FAM184A: variants seen among roughly 807,000 people sequenced by gnomAD.
FAM184A encodes protein FAM184A.
In FAM184A, 99 loss-of-function variants were observed where a neutral mutation model predicts 143.8. The ratio of observed to expected loss-of-function variants is 0.69; its 90% confidence interval spans 0.58 to 0.81. The LOEUF (loss-of-function observed/expected upper bound fraction) is 0.81. Ranked by LOEUF, FAM184A falls within the 40% of genes least tolerant of loss-of-function variation. The pLI, the probability that FAM184A is intolerant of heterozygous loss-of-function variation, is 0.00. For synonymous variants in FAM184A, 427 were observed against 446.4 expected (o/e 0.96, Z 0.55); for missense variants, 1,217 against 1,310.5 (o/e 0.93, Z 1.10).
At chr6:119,014,353 G>A (rs1030894820) in intron 5 of FAM184A, among the ~76,000 whole-genome samples, 1 of 152,182 alleles carries the variant, frequency 6.6e-6, no homozygotes, top group African/African-American at 2.4e-5. Flanking sequence ...AGCTTTTGAG[G>A]CCCAAAGTAA....
At position 119,112,300 on chromosome 6, in the gene FAM184A, G is replaced by A. The variant is rs546646422; in HGVS notation, c.-202+36778C>T. 5.9e-5 allele frequency among the ~76,000 whole-genome samples: 9 copies of A among 152,048 alleles called. No individual in the cohort carries two copies. The East Asian group carries it at 1.6e-3, about 26-fold the overall frequency. On this transcript the variant is annotated intron_variant, in intron 1 of 16. Transcript: ENST00000352896. ...GCACGTTACATGCCCGGCTAATTTT[G>A]TATTTTTAGTAGAGACGGGGTTTCT...
Position 119,024,157 on chromosome 6 carries a change from A to G in FAM184A, c.816T>C (p.Phe272=), listed in dbSNP as rs1025197903. 8 of 1,614,054 alleles carry G rather than the reference A, an allele frequency of 5.0e-6. No homozygotes were observed. Among genetic ancestry groups the G allele is most frequent in the African/African-American group, 1.3e-5 (1 of 74,918 alleles). The part of the protein sequence containing the change: ...ELDTLKRSQL[F]TAESLQASKE... ...TGCTGGCCTGTAGGCTTTCTGCTGTAAAAAGCTGTGACCTTTTCAAAGTAT... is the reference window on the plus strand; with the variant it reads ...TGCTGGCCTGTAGGCTTTCTGCTGTGAAAAGCTGTGACCTTTTCAAAGTAT... The change falls in exon 2 of 18, where the codon TTT becomes TTC. Residue 272 remains phenylalanine (F), a synonymous_variant. Coordinates refer to ENST00000338891, the MANE Select transcript of FAM184A (RefSeq NM_024581.6).
chr6:119,134,256 A>T (rs1406301756), intron 1 of FAM184A, among the ~76,000 whole-genome samples: 3 of 152,172 alleles, frequency 2.0e-5, no homozygotes, highest in African/African-American at 7.2e-5. Context: ...GAATACAAAT[A>T]GTCTATAATC....
intron 1 of FAM184A, among the ~76,000 whole-genome samples, chr6:119,107,216 C>T (rs1017643788): frequency 6.6e-6 from 1 of 152,126 alleles, no homozygotes; most frequent in Non-Finnish European, 1.5e-5. Context: ...TATGTTCATA[C>T]ACCTTTCTTA....
At chr6:119,068,635 C>A (rs561087188) in intron 1 of FAM184A, among the ~76,000 whole-genome samples, 93 of 152,262 alleles carry the variant, frequency 6.1e-4, no homozygotes, top group African/African-American at 2.2e-3. Context: ...ATATGATGGG[C>A]ACTGCTGCCT....
chr6:119,086,525 G>A (rs1788227097), intron 1 of FAM184A, among the ~76,000 whole-genome samples: 1 of 152,172 alleles, frequency 6.6e-6, no homozygotes, highest in African/African-American at 2.4e-5. Flanking sequence ...CAAGCTCTAA[G>A]GACGGTAAGG....
At chr6:119,024,908 T>C (rs969424676) in intron 1 of FAM184A, 95 bp from the exon 2 acceptor site, 8 of 1,176,358 alleles carry the variant, frequency 6.8e-6, no homozygotes, top group African/African-American at 4.6e-5. Context: ...TATTTTTCTA[T>C]GCACATAATA....
intron 4 of FAM184A, 56 bp from the exon 5 acceptor site, chr6:119,017,000 AG>A: frequency 8.1e-7 from 1 of 1,240,944 alleles, no homozygotes; most frequent in South Asian, 1.4e-5. Flanking sequence ...TACTGTTATT[AG>A]GGTAATTTGA....
intron 14 of FAM184A, among the ~76,000 whole-genome samples, chr6:118,970,984 A>G (rs1293569839): frequency 6.6e-6 from 1 of 152,184 alleles, no homozygotes; most frequent in Admixed American, 6.5e-5. Flanking sequence ...AGAACCAAAA[A>G]TGGTATACTA....
At chr6:119,074,713 ACAT>A (rs1163417219) in intron 1 of FAM184A, among the ~76,000 whole-genome samples, 1 of 152,244 alleles carries the variant, frequency 6.6e-6, no homozygotes, top group Non-Finnish European at 1.5e-5. Flanking sequence ...GTCTTATAAA[ACAT>A]AATTGAATCC....
chr6:119,120,594 C>T (rs1374864686), intron 1 of FAM184A, among the ~76,000 whole-genome samples: 3 of 152,148 alleles, frequency 2.0e-5, no homozygotes, highest in Admixed American at 2.0e-4. Context: ...TCTAAAGTGG[C>T]TGTACTATTT....
rs577011079 is a variant in FAM184A at position 119,116,429 on chromosome 6, G to A, written c.-202+32649C>T. ...TGCCTATGACCTGAACGACAGGATCGTTGGGACCTCAAGCCTCAGTGTCAC... is the reference window on the plus strand; with the variant it reads ...TGCCTATGACCTGAACGACAGGATCATTGGGACCTCAAGCCTCAGTGTCAC... On this transcript the variant is annotated intron_variant, in intron 1 of 16. Transcript: ENST00000352896. Among the ~76,000 whole-genome samples, 24 of 151,982 alleles carry A rather than the reference G, an allele frequency of 1.6e-4. No individual in the cohort carries two copies. In the South Asian group the frequency reaches 3.7e-3, roughly 24 times the overall value.
intron 1 of FAM184A, among the ~76,000 whole-genome samples, chr6:119,033,580 G>A (rs894863561): frequency 5.9e-5 from 9 of 151,300 alleles, no homozygotes; most frequent in Admixed American, 5.9e-4. Flanking sequence ...CCGGAGAATC[G>A]CTTGTACCCA....
chr6:118,993,755 G>C (rs1044686304), intron 9 of FAM184A, among the ~76,000 whole-genome samples: 6 of 152,168 alleles, frequency 3.9e-5, no homozygotes, highest in Non-Finnish European at 5.9e-5. Context: ...ACACAGAAAG[G>C]CTTCTAAGAG....
At chr6:119,073,160 C>T (rs557922197) in intron 1 of FAM184A, among the ~76,000 whole-genome samples, 5 of 152,294 alleles carry the variant, frequency 3.3e-5, no homozygotes, top group African/African-American at 4.8e-5. Flanking sequence ...TCAATGCTAA[C>T]GCACAGCAAG....
intron 1 of FAM184A, among the ~76,000 whole-genome samples, chr6:119,074,439 A>G (rs1367781008): frequency 6.6e-6 from 1 of 152,206 alleles, no homozygotes; most frequent in Non-Finnish European, 1.5e-5. Flanking sequence ...GGGCATTTTA[A>G]TTTTAATAAT....
Position 119,033,990 on chromosome 6 carries a change from C to CAA in FAM184A, c.160-9179_160-9178dup, listed in dbSNP as rs59719185. Among the ~76,000 whole-genome samples, 74 of 17,390 alleles carry CAA rather than the reference C, an allele frequency of 4.3e-3. 11 individuals carry two copies. The highest frequency in any genetic ancestry group is 4.9e-3 in the Admixed American group (4 of 810). The allele number at this position is 17,390 out of a possible 152,430, so 11.4% of individuals were successfully genotyped here. On this transcript the variant is annotated intron_variant, in intron 1 of 17. Transcript: ENST00000338891. ...TGAGTGACAGAGTGAGACTCTGTCT[C>CAA]AAAAAAAAAAAAAAAAAAAAAAAAA... is the stretch of plus-strand genomic sequence containing the variant.
intron 4 of FAM184A, among the ~76,000 whole-genome samples, chr6:119,017,300 C>A (rs1451283078): frequency 2.6e-5 from 4 of 152,140 alleles, no homozygotes. Context: ...AGATCAAGAC[C>A]ATCCTGGCTA....
At chr6:119,092,148 T>C (rs1788387857) in intron 1 of FAM184A, among the ~76,000 whole-genome samples, 2 of 152,226 alleles carry the variant, frequency 1.3e-5, no homozygotes, top group Admixed American at 1.3e-4. Context: ...ATTTACTTAT[T>C]TACTTGGGGG....
Sources: gnomAD v4.1 joint callset for allele counts (sites outside exome capture counted in the v4.1 genomes callset) on GRCh38, gnomAD v4.1.1 for gene constraint, MANE v1.5 for transcripts, NCBI Gene and HGNC (gene_info 2026-07-23, HGNC 2026-07-21) for gene names.